The following INPP4B variants were observed in gnomAD, a reference collection of about 807,000 sequenced individuals.
INPP4B encodes the protein inositol polyphosphate 4-phosphatase type II.
Under a neutral mutation model 122.5 loss-of-function variants are expected in INPP4B, and 55 were observed. The observed-to-expected ratio is 0.45, with a 90% CI of 0.36 to 0.56. The LOEUF (loss-of-function observed/expected upper bound fraction) is 0.56, where lower values mean the gene tolerates loss of function less well. Among genes scored for constraint, INPP4B ranks in the 20% least tolerant of loss-of-function variants. INPP4B has a pLI of 0.00. For synonymous variants in INPP4B, 403 were observed against 388.7 expected (o/e 1.04, Z -0.43); for missense variants, 1,000 against 1,097.7 (o/e 0.91, Z 1.26).
intron 17 of INPP4B, among the ~76,000 whole-genome samples, chr4:142,149,748 G>C (rs745504713): frequency 6.6e-6 from 1 of 152,148 alleles, no homozygotes; most frequent in Non-Finnish European, 1.5e-5. Flanking sequence ...GAGATCAAAG[G>C]TGTCTTATAA....
chr4:142,837,124 C>T (rs965452503), intron 1 of INPP4B, among the ~76,000 whole-genome samples: 15 of 150,892 alleles, frequency 9.9e-5, no homozygotes, highest in Non-Finnish European at 1.6e-4. Flanking sequence ...CCACTGCACT[C>T]CAGCCTGGAT....
At chr4:142,733,187 A>T (rs1766344978) in intron 1 of INPP4B, among the ~76,000 whole-genome samples, 1 of 152,204 alleles carries the variant, frequency 6.6e-6, no homozygotes, top group Non-Finnish European at 1.5e-5. Flanking sequence ...GTGCATTTAC[A>T]TGTTCAAAAC....
At chr4:142,452,148 G>A (rs1408649388) in intron 3 of INPP4B, among the ~76,000 whole-genome samples, 2 of 152,188 alleles carry the variant, frequency 1.3e-5, no homozygotes, top group Admixed American at 6.5e-5. Context: ...GTGAGAACAT[G>A]TGGTGTTTGG....
At chr4:142,709,591 G>A (rs1762871342) in intron 2 of INPP4B, among the ~76,000 whole-genome samples, 1 of 151,982 alleles carries the variant, frequency 6.6e-6, no homozygotes, top group Non-Finnish European at 1.5e-5. Flanking sequence ...CTTTCTCCTG[G>A]GATGTACATC....
At chr4:142,429,566 C>A (rs1453090321) in intron 4 of INPP4B, among the ~76,000 whole-genome samples, 1 of 152,028 alleles carries the variant, frequency 6.6e-6, no homozygotes, top group Non-Finnish European at 1.5e-5. Context: ...AAAGAACCCC[C>A]TTACCAAAAT....
intron 7 of INPP4B, among the ~76,000 whole-genome samples, chr4:142,349,317 G>C (rs1781264759): frequency 6.6e-6 from 1 of 152,006 alleles, no homozygotes; most frequent in Non-Finnish European, 1.5e-5. Flanking sequence ...TTCCAAATGA[G>C]TGGAAAGAAA....
intron 10 of INPP4B, among the ~76,000 whole-genome samples, chr4:142,265,849 A>G (rs1690114506): frequency 1.3e-5 from 2 of 152,180 alleles, no homozygotes; most frequent in South Asian, 4.1e-4. Flanking sequence ...AACACTATGT[A>G]GGATTTGGGT....
chr4:142,453,770 C>G (rs527343629), intron 3 of INPP4B, among the ~76,000 whole-genome samples: 1 of 152,074 alleles, frequency 6.6e-6, no homozygotes, highest in Non-Finnish European at 1.5e-5. Flanking sequence ...TTCAATAATA[C>G]TGCTCTACAG....
chr4:142,116,465 T>G (rs1272350121), intron 21 of INPP4B, among the ~76,000 whole-genome samples: 5 of 152,134 alleles, frequency 3.3e-5, no homozygotes, highest in Admixed American at 2.6e-4. Context: ...AAACTGTCTC[T>G]CAGATCACAG....
intron 2 of INPP4B, among the ~76,000 whole-genome samples, chr4:142,648,358 G>C (rs1752240198): frequency 6.6e-6 from 1 of 152,196 alleles, no homozygotes; most frequent in Admixed American, 6.5e-5. Flanking sequence ...GCCAAAGCAG[G>C]GTGGGGTATT....
At chr4:142,093,877 A>G (rs562825900) in intron 23 of INPP4B, among the ~76,000 whole-genome samples, 2 of 146,012 alleles carry the variant, frequency 1.4e-5, no homozygotes, top group Admixed American at 7.2e-5. Context: ...TCAAGGTTGC[A>G]TCACCCATAG....
intron 6 of INPP4B, 48 bp downstream of exon 6, chr4:142,405,158 C>CG (rs1802989439): frequency 1.6e-5 from 13 of 819,564 alleles, no homozygotes; most frequent in South Asian, 3.6e-5. Flanking sequence ...AGCGAGCCAG[C>CG]AAGAGAGAGA....
intron 7 of INPP4B, among the ~76,000 whole-genome samples, chr4:142,329,948 CAGAAAAAGCA>C (rs372488430): frequency 1.1e-3 from 171 of 152,086 alleles, no homozygotes; most frequent in African/African-American, 4.0e-3. Context: ...AAAAAGCATT[CAGAAAAAGCA>C]TTCTAACTTA....
chr4:142,630,940 C>T lies in INPP4B; in HGVS notation c.-191+94899G>A, dbSNP rs549956755. On this transcript the variant is annotated intron_variant, in intron 2 of 25. Transcript: ENST00000262992. ...CATCATACCTAGAATTGAATTGAGG[C>T]ACTCCTGTATTTCTAGTGTGACCAG... Among the ~76,000 whole-genome samples, 8 of 152,224 alleles carry T rather than the reference C, an allele frequency of 5.3e-5. No individual in the cohort carries two copies. In the South Asian group the frequency reaches 1.2e-3, roughly 24 times the overall value.
chr4:142,423,055 C>A (rs1429677236), intron 5 of INPP4B, among the ~76,000 whole-genome samples: 1 of 151,976 alleles, frequency 6.6e-6, no homozygotes, highest in Non-Finnish European at 1.5e-5. Flanking sequence ...GGCAAAAATA[C>A]TAAAGAAGAT....
chr4:142,831,368 C>T (rs576500360), intron 1 of INPP4B, among the ~76,000 whole-genome samples: 1 of 152,276 alleles, frequency 6.6e-6, no homozygotes, highest in African/African-American at 2.4e-5. Context: ...CAGAAGTCTT[C>T]AGGAAGATAG....
chr4:142,179,975 A>T (rs1830085316), intron 15 of INPP4B, among the ~76,000 whole-genome samples: 1 of 152,086 alleles, frequency 6.6e-6, no homozygotes, highest in Admixed American at 6.6e-5. Context: ...CAACCTCAAA[A>T]TCTTCTCAGC....
intron 17 of INPP4B, among the ~76,000 whole-genome samples, chr4:142,147,886 C>T (rs1008502791): frequency 6.6e-6 from 1 of 152,126 alleles, no homozygotes; most frequent in African/African-American, 2.4e-5. Flanking sequence ...AACCTCTGAA[C>T]CATAAGCCAG....
intron 3 of INPP4B, among the ~76,000 whole-genome samples, chr4:142,448,585 A>T (rs1291661251): frequency 6.6e-6 from 1 of 152,192 alleles, no homozygotes; most frequent in Admixed American, 6.5e-5. Context: ...AGTAAGGATC[A>T]GACAAATGCT....
Sources: allele counts gnomAD v4.1 joint callset (sites outside exome capture counted in the v4.1 genomes callset), GRCh38; gene constraint gnomAD v4.1.1; transcripts MANE v1.5; gene names NCBI Gene and HGNC (gene_info 2026-07-23, HGNC 2026-07-21).